The following KLRD1 variants were observed in gnomAD, a reference collection of about 807,000 sequenced individuals.
The protein encoded by KLRD1 is killer cell lectin like receptor D1, also known as natural killer cells antigen CD94.
In KLRD1, 21 loss-of-function variants were observed where a neutral mutation model predicts 22.6. That is an observed-to-expected ratio of 0.93 (90% CI 0.66 to 1.34). The LOEUF (loss-of-function observed/expected upper bound fraction) is 1.34, where lower values mean the gene tolerates loss of function less well. Among genes scored for constraint, KLRD1 ranks in the 40% most tolerant of loss-of-function variants. KLRD1 has a pLI of 0.00. For synonymous variants in KLRD1, 59 were observed against 71.1 expected, an observed-to-expected ratio of 0.83 and a Z score of 0.85; for missense variants, 183 against 208.6, an observed-to-expected ratio of 0.88 and a Z score of 0.76.
At position 10,321,008 on chromosome 12, in the gene KLRD1, C is replaced by G. The variant is rs1338889953; in HGVS notation, c.*6215C>G. 1 of 152,108 alleles carries G rather than the reference C, an allele frequency of 6.6e-6. No individual in the cohort carries two copies. Among genetic ancestry groups the G allele is most frequent in the Non-Finnish European group, 1.5e-5 (1 of 68,008 alleles). 9.4% of individuals were successfully genotyped at this position (152,108 alleles called of 1,614,324 possible). A position where few individuals can be genotyped will look rare whatever the true frequency, so the allele number is the denominator to read the frequency against. ...TCAGTAGAAAATTGACAATGAATTG[C>G]TACCTTTTATTCAAAAGTAAGAATA... On this transcript the variant is annotated 3_prime_UTR_variant, in exon 6 of 6. Transcript: ENST00000336164.
intron 1 of KLRD1, among the ~76,000 whole-genome samples, chr12:10,248,063 A>G (rs976731507): frequency 2.6e-5 from 4 of 152,186 alleles, no homozygotes; most frequent in Non-Finnish European, 5.9e-5. Context: ...GACAGTTGCA[A>G]TGTGCACATG....
intron 1 of KLRD1, among the ~76,000 whole-genome samples, chr12:10,258,077 A>G (rs1253896431): frequency 1.3e-5 from 2 of 151,856 alleles, no homozygotes; most frequent in African/African-American, 2.4e-5. Flanking sequence ...CATTCTGAGT[A>G]TTTGTATAAT....
chr12:10,309,598 T>C, intron 2 of KLRD1, 28 bp from the exon 3 acceptor site: 4 of 1,556,248 alleles, frequency 2.6e-6, no homozygotes, highest in Non-Finnish European at 3.5e-6. Flanking sequence ...CATACCTAAT[T>C]AAACAAATTT....
At chr12:10,286,497 C>T (rs979100508) in intron 1 of KLRD1, among the ~76,000 whole-genome samples, 9 of 152,042 alleles carry the variant, frequency 5.9e-5, no homozygotes, top group African/African-American at 1.7e-4. Context: ...CTCAAGTTTA[C>T]GATCTACCAA....
chr12:10,297,278 T>G (rs1455096340), intron 1 of KLRD1, among the ~76,000 whole-genome samples: 1 of 152,200 alleles, frequency 6.6e-6, no homozygotes, highest in African/African-American at 2.4e-5. Flanking sequence ...TATATTTGTA[T>G]GCAAACACTT....
chr12:10,304,142 C>G (rs1291833983), upstream of KLRD1, among the ~76,000 whole-genome samples: 1 of 152,158 alleles, frequency 6.6e-6, no homozygotes, highest in African/African-American at 2.4e-5. Flanking sequence ...TTCAGTTATA[C>G]AATAATTGTG....
chr12:10,246,933 CT>C (rs71049075), intron 1 of KLRD1, among the ~76,000 whole-genome samples: 9 of 58,368 alleles, frequency 1.5e-4, no homozygotes, highest in Admixed American at 2.2e-4. Context: ...CTTTTCTTTT[CT>C]TTTTTTTTTT....
intron 1 of KLRD1, among the ~76,000 whole-genome samples, chr12:10,269,498 A>G (rs891138942): frequency 5.9e-5 from 9 of 152,194 alleles, no homozygotes; most frequent in East Asian, 1.9e-4. Context: ...ATTTGGAGGC[A>G]CGTCTTTGAT....
At position 10,315,268 on chromosome 12, in the gene KLRD1, T is replaced by C; in HGVS notation, c.*475T>C. The C allele has an allele frequency of 9.0e-6, 4 of 443,286 alleles. No individual in the cohort carries two copies. Among genetic ancestry groups the C allele is most frequent in the South Asian group, 6.3e-5 (4 of 63,548 alleles). 27.5% of individuals were successfully genotyped at this position (443,286 alleles called of 1,614,324 possible). A position where few individuals can be genotyped will look rare whatever the true frequency, so the allele number is the denominator to read the frequency against. ...CAAGTAGCTAGGACTGCAGGCACCATGTCACTATGCCCGACTAATTTTTAA... is the reference window on the plus strand; with the variant it reads ...CAAGTAGCTAGGACTGCAGGCACCACGTCACTATGCCCGACTAATTTTTAA... On this transcript the variant is annotated 3_prime_UTR_variant, in exon 6 of 6. Transcript: ENST00000336164.
chr12:10,308,164 T>C, intron 1 of KLRD1, 80 bp downstream of exon 1: 3 of 1,245,022 alleles, frequency 2.4e-6, no homozygotes, highest in Non-Finnish European at 3.5e-6. Context: ...GGTAATGCTT[T>C]AAGAGAAAAG....
chr12:10,241,063 A>G (rs1015881796), intron 1 of KLRD1, among the ~76,000 whole-genome samples: 1 of 152,196 alleles, frequency 6.6e-6, no homozygotes, highest in Non-Finnish European at 1.5e-5. Flanking sequence ...ATTTCATAAT[A>G]AGAGTTGTGT....
At chr12:10,312,465 T>A (rs61917600) in intron 4 of KLRD1, among the ~76,000 whole-genome samples, 6 of 151,492 alleles carry the variant, frequency 4.0e-5, no homozygotes, top group South Asian at 2.1e-4. Flanking sequence ...TGCAAGCTCC[T>A]CCTCCCGGGT....
intron 1 of KLRD1, among the ~76,000 whole-genome samples, chr12:10,257,168 T>A (rs1172557057): frequency 6.7e-6 from 1 of 148,862 alleles, no homozygotes; most frequent in Non-Finnish European, 1.5e-5. Flanking sequence ...TAAGATTTGC[T>A]GCTTGGCTTT....
Position 10,321,532 on chromosome 12 carries a change from C to G in KLRD1, c.*6739C>G, listed in dbSNP as rs920852038. 2 of 152,114 alleles carry G rather than the reference C, an allele frequency of 1.3e-5. No homozygotes were observed. Among genetic ancestry groups the G allele is most frequent in the African/African-American group, 4.8e-5 (2 of 41,400 alleles). The allele number at this position is 152,114 out of a possible 1,614,324, so 9.4% of individuals were successfully genotyped here. ...TGATCCCTGTTTCTTGGAATTTAAC[C>G]CTTTTGATATAATCAATTACATTGT... On this transcript the variant is annotated 3_prime_UTR_variant, in exon 6 of 6. Coordinates refer to ENST00000336164, the MANE Select transcript of KLRD1 (RefSeq NM_002262.5).
intron 4 of KLRD1, among the ~76,000 whole-genome samples, chr12:10,312,611 C>A (rs1592091194): frequency 1.3e-5 from 2 of 149,684 alleles, no homozygotes; most frequent in Non-Finnish European, 3.0e-5. Flanking sequence ...ATCTTCTGAC[C>A]TCATGATCTG....
At chr12:10,298,612 A>T (rs926880596) in intron 1 of KLRD1, among the ~76,000 whole-genome samples, 2 of 152,232 alleles carry the variant, frequency 1.3e-5, no homozygotes, top group Admixed American at 6.5e-5. Flanking sequence ...TACCTGAATG[A>T]GAGCAAGGAA....
At chr12:10,286,038 A>G (rs974942942) in intron 1 of KLRD1, among the ~76,000 whole-genome samples, 8 of 152,224 alleles carry the variant, frequency 5.3e-5, no homozygotes, top group African/African-American at 1.9e-4. Context: ...CAGACACGCC[A>G]TTTCCTCTAC....
At chr12:10,268,537 T>C (rs1949520862) in intron 1 of KLRD1, among the ~76,000 whole-genome samples, 1 of 152,232 alleles carries the variant, frequency 6.6e-6, no homozygotes, top group Non-Finnish European at 1.5e-5. Context: ...ATTGAACTGT[T>C]CTTTTTATTT....
chr12:10,284,307 A>G (rs1324867226), intron 1 of KLRD1, among the ~76,000 whole-genome samples: 1 of 152,232 alleles, frequency 6.6e-6, no homozygotes, highest in Non-Finnish European at 1.5e-5. Context: ...ATGTGTGTAA[A>G]ATCACTCAGA....
Sources: gnomAD v4.1 joint callset for allele counts (sites outside exome capture counted in the v4.1 genomes callset) on GRCh38, gnomAD v4.1.1 for gene constraint, MANE v1.5 for transcripts, NCBI Gene and HGNC (gene_info 2026-07-23, HGNC 2026-07-21) for gene names.